GPR158: variants seen among roughly 807,000 people sequenced by gnomAD.
GPR158 encodes the protein G protein-coupled receptor 158, also known as metabotropic glycine receptor.
Under a neutral mutation model 78.2 loss-of-function variants are expected in GPR158, and 30 were observed. That is an observed-to-expected ratio of 0.38 (90% CI 0.29 to 0.52). The LOEUF (loss-of-function observed/expected upper bound fraction) is 0.52. Among genes scored for constraint, GPR158 ranks in the 20% least tolerant of loss-of-function variants. GPR158 has a pLI of 0.83. For missense variants in GPR158, 1,463 were observed against 1,523.5 expected (o/e 0.96, Z 0.66); for synonymous variants, 581 against 591.1 (o/e 0.98, Z 0.25).
intron 7 of GPR158, among the ~76,000 whole-genome samples, chr10:25,582,792 C>T (rs997233826): frequency 2.0e-5 from 3 of 152,094 alleles, no homozygotes; most frequent in Admixed American, 2.0e-4. Flanking sequence ...GCACAGTGCC[C>T]GGGTCCATTC....
At chr10:25,364,871 G>A (rs989028908) in intron 2 of GPR158, among the ~76,000 whole-genome samples, 12 of 151,716 alleles carry the variant, frequency 7.9e-5, no homozygotes, top group Non-Finnish European at 1.6e-4. Flanking sequence ...TAGCAGACAA[G>A]GCAAAGCATA....
chr10:25,483,636 G>A (rs758346409), intron 5 of GPR158, among the ~76,000 whole-genome samples: 13 of 152,016 alleles, frequency 8.6e-5, no homozygotes, highest in South Asian at 6.2e-4. Flanking sequence ...ATTTGAATCC[G>A]CTGCTGTTTT....
At chr10:25,466,747 T>C (rs1292338303) in intron 5 of GPR158, 28 bp downstream of exon 5, 1 of 1,312,244 alleles carries the variant, frequency 7.6e-7, no homozygotes, top group Admixed American at 1.9e-5. Flanking sequence ...GTTTTTAAAG[T>C]AGAAATTTAT....
At chr10:25,422,740 G>A (rs569004831) in intron 4 of GPR158, among the ~76,000 whole-genome samples, 2 of 151,532 alleles carry the variant, frequency 1.3e-5, no homozygotes, top group African/African-American at 2.4e-5. Flanking sequence ...TGGGAAACAC[G>A]TGGTGTTGGG....
intron 4 of GPR158, among the ~76,000 whole-genome samples, chr10:25,431,925 C>T (rs1834914263): frequency 6.6e-6 from 1 of 151,956 alleles, no homozygotes; most frequent in Admixed American, 6.6e-5. Flanking sequence ...ATGGGTGCAG[C>T]ACACCAGCAT....
At chr10:25,437,578 A>G (rs887732972) in intron 4 of GPR158, among the ~76,000 whole-genome samples, 15 of 152,200 alleles carry the variant, frequency 9.9e-5, no homozygotes, top group Admixed American at 8.5e-4. Context: ...ACAACTGTCT[A>G]TTCATATGGA....
At chr10:25,565,667 C>G (rs1047416063) in intron 6 of GPR158, among the ~76,000 whole-genome samples, 3 of 152,144 alleles carry the variant, frequency 2.0e-5, no homozygotes, top group Non-Finnish European at 4.4e-5. Flanking sequence ...ATAAATGACT[C>G]CCCTCACTGG....
intron 2 of GPR158, among the ~76,000 whole-genome samples, chr10:25,306,680 C>T (rs1163199852): frequency 6.6e-6 from 1 of 152,162 alleles, no homozygotes; most frequent in African/African-American, 2.4e-5. Context: ...TAGAGCTTCT[C>T]CTGAACTACC....
At chr10:25,515,346 ATTGTTT>A (rs1836149400) in intron 5 of GPR158, among the ~76,000 whole-genome samples, 1 of 151,070 alleles carries the variant, frequency 6.6e-6, no homozygotes, top group African/African-American at 2.4e-5. Flanking sequence ...AGAAATTGTG[ATTGTTT>A]TTAATTTATG....
chr10:25,370,092 AT>A (rs1159607278), intron 2 of GPR158, among the ~76,000 whole-genome samples: 1 of 146,518 alleles, frequency 6.8e-6, no homozygotes, highest in African/African-American at 2.5e-5. Flanking sequence ...CGGTCTATCA[AT>A]TTTGTTGATC....
At position 25,598,781 on chromosome 10, in the gene GPR158, C is replaced by G; in HGVS notation, c.3155C>G (p.Pro1052Arg). 1.2e-6 allele frequency: 2 copies of G among 1,614,046 alleles called. No individual in the cohort carries two copies. Reference sequence around the variant, plus strand: ...TTAAAGGAGAAATCTCACCACAAGCCTAAGGCAGCTGAGGTTTGTCAGCAA... The same window carrying G: ...TTAAAGGAGAAATCTCACCACAAGCGTAAGGCAGCTGAGGTTTGTCAGCAA... Reference protein sequence around the residue: ...FSLKEKSHHKPKAAEVCQQSN... With the variant: ...FSLKEKSHHKRKAAEVCQQSN... Residue 1052 changes from proline to arginine, a missense_variant, in exon 11 of 11, where the codon CCT becomes CGT. Pro to Arg is a moderately radical substitution (Grantham distance 103). Coordinates refer to ENST00000376351, the MANE Select transcript of GPR158 (RefSeq NM_020752.3).
chr10:25,444,216 G>A (rs1564457314), intron 4 of GPR158, among the ~76,000 whole-genome samples: 1 of 151,776 alleles, frequency 6.6e-6, no homozygotes, highest in African/African-American at 2.4e-5. Context: ...GAATACTTCA[G>A]AGAGCAGGAA....
chr10:25,383,207 C>A (rs1760763), intron 2 of GPR158, among the ~76,000 whole-genome samples: 98,075 of 152,048 alleles, frequency 0.65, 32,600 homozygotes, highest in Non-Finnish European at 0.73. Context: ...ATATTAAAAG[C>A]TGCTGCCTTT....
intron 2 of GPR158, among the ~76,000 whole-genome samples, chr10:25,393,069 C>T (rs1337809734): frequency 6.6e-6 from 1 of 152,032 alleles, no homozygotes; most frequent in African/African-American, 2.4e-5. Flanking sequence ...GTAATAAAAT[C>T]AGGAGGCATT....
intron 4 of GPR158, among the ~76,000 whole-genome samples, chr10:25,413,676 T>C (rs75237271): frequency 0.023 from 3,577 of 152,290 alleles, 58 homozygotes; most frequent in Admixed American, 0.035. Context: ...GTGAATGGCA[T>C]CTATTATGAA....
At chr10:25,574,227 A>C (rs961312513) in intron 7 of GPR158, among the ~76,000 whole-genome samples, 2 of 150,774 alleles carry the variant, frequency 1.3e-5, no homozygotes, top group African/African-American at 4.9e-5. Flanking sequence ...TTCACCAAGA[A>C]AGTTTTTATG....
At chr10:25,225,361 A>C (rs1378516928) in intron 2 of GPR158, among the ~76,000 whole-genome samples, 1 of 152,096 alleles carries the variant, frequency 6.6e-6, no homozygotes, top group Non-Finnish European at 1.5e-5. Flanking sequence ...AAATGCATCT[A>C]AATGGCCAAA....
At chr10:25,333,548 G>A (rs889887415) in intron 2 of GPR158, among the ~76,000 whole-genome samples, 3 of 152,082 alleles carry the variant, frequency 2.0e-5, no homozygotes, top group South Asian at 2.1e-4. Context: ...AATGTAAGAC[G>A]TTAGTACTGT....
chr10:25,215,743 G>A (rs1049467058), intron 1 of GPR158, among the ~76,000 whole-genome samples: 8 of 152,288 alleles, frequency 5.3e-5, no homozygotes, highest in Admixed American at 2.0e-4. Flanking sequence ...GCTGAGGCAG[G>A]AGAATCACTT....
Sources: allele counts gnomAD v4.1 joint callset (sites outside exome capture counted in the v4.1 genomes callset), GRCh38; gene constraint gnomAD v4.1.1; transcripts MANE v1.5; gene names NCBI Gene and HGNC (gene_info 2026-07-23, HGNC 2026-07-21).